Variants in AKNA observed in about 807,000 individuals in gnomAD.
The protein encoded by AKNA is AT-hook transcription factor.
In AKNA, 67 loss-of-function variants were observed where a neutral mutation model predicts 138.8. That is an observed-to-expected ratio of 0.48 (90% CI 0.40 to 0.59). The LOEUF (loss-of-function observed/expected upper bound fraction) is 0.59, where lower values mean the gene tolerates loss of function less well. AKNA is among the 20% of genes least tolerant of loss of function. The pLI is 0.00. For synonymous variants in AKNA, 737 were observed against 754.4 expected (o/e 0.98, Z 0.38); for missense variants, 1,813 against 1,880.4 (o/e 0.96, Z 0.66).
intron 18 of AKNA, chr9:114,344,457 CCT>C (rs1230661629): frequency 6.5e-6 from 1 of 152,868 alleles, no homozygotes; most frequent in Non-Finnish European, 1.5e-5. Flanking sequence ...CTTACCCACC[CCT>C]GAGTTTCAAA....
At chr9:114,385,544 G>A (rs766907364) in intron 1 of AKNA, among the ~76,000 whole-genome samples, 22 of 152,218 alleles carry the variant, frequency 1.4e-4, no homozygotes, top group Non-Finnish European at 2.5e-4. Context: ...CTCTGCCACA[G>A]AGCAGCCTGC....
intron 21 of AKNA, among the ~76,000 whole-genome samples, chr9:114,341,022 C>T (rs79679591): frequency 0.01 from 1,580 of 152,306 alleles, 27 homozygotes; most frequent in African/African-American, 0.035. Context: ...GCTTCACTAA[C>T]GTGGCCAATG....
chr9:114,392,954 AAC>A (rs916066078), upstream of AKNA, among the ~76,000 whole-genome samples: 1 of 152,304 alleles, frequency 6.6e-6, no homozygotes, highest in Non-Finnish European at 1.5e-5. Flanking sequence ...TATTGAGGAA[AAC>A]ACATACATAA....
chr9:114,358,068 G>A lies in AKNA; in HGVS notation c.2592C>T (p.Ala864=). 1.9e-6 allele frequency: 3 copies of A among 1,613,662 alleles called. No homozygotes were observed. Among genetic ancestry groups the A allele is most frequent in the Non-Finnish European group, 2.5e-6 (3 of 1,179,670 alleles). Residue 864 remains alanine (A), a synonymous_variant, in exon 12 of 22, where the codon GCC becomes GCT. Transcript: ENST00000374088. The part of the protein sequence containing the change: ...HMSGLGKAEA[A]PPGPGVPPHP... ...GGGGTGGCACGCCAGGGCCTGGAGG[G>A]GCTGCCTCAGCCTTGCCCAGGCCTG...
intron 1 of AKNA, among the ~76,000 whole-genome samples, chr9:114,383,672 G>C (rs905252109): frequency 5.9e-5 from 9 of 152,188 alleles, no homozygotes; most frequent in Non-Finnish European, 1.2e-4. Flanking sequence ...CAGGACAGAA[G>C]GTCTGTGTTT....
At position 114,337,324 on chromosome 9, in the gene AKNA, T is replaced by A; in HGVS notation, c.4068-18A>T. ...CATAGTACCTGAGGAGAGAAGTGAGTGGGCTCGTTACACATGGGGAGGGCT... is the reference window on the plus strand; with the variant it reads ...CATAGTACCTGAGGAGAGAAGTGAGAGGGCTCGTTACACATGGGGAGGGCT... On this transcript the variant is annotated intron_variant, in intron 21 of 21. Coordinates refer to ENST00000374088, the MANE Select transcript of AKNA (RefSeq NM_001317950.2). 1 of 1,424,966 alleles carries A rather than the reference T, an allele frequency of 7.0e-7. No homozygotes were observed. Among genetic ancestry groups the A allele is most frequent in the African/African-American group, 1.4e-5 (1 of 69,424 alleles). The allele number at this position is 1,424,966 out of a possible 1,614,324, so 88.3% of individuals were successfully genotyped here. A position where few individuals can be genotyped will look rare whatever the true frequency, so the allele number is the denominator to read the frequency against.
At chr9:114,355,583 C>A (rs980977228) in intron 14 of AKNA, among the ~76,000 whole-genome samples, 1 of 152,180 alleles carries the variant, frequency 6.6e-6, no homozygotes, top group Non-Finnish European at 1.5e-5. Flanking sequence ...ACATCGCAAC[C>A]AAAGGAATTT....
intron 14 of AKNA, among the ~76,000 whole-genome samples, chr9:114,354,495 C>T (rs1451028220): frequency 5.3e-5 from 8 of 152,106 alleles, no homozygotes; most frequent in African/African-American, 9.7e-5. Context: ...GGGCGGATCA[C>T]GAGGTCAGGA....
At chr9:114,353,570 CTGTTT>C (rs1469633637) in intron 14 of AKNA, among the ~76,000 whole-genome samples, 19 of 152,078 alleles carry the variant, frequency 1.2e-4, no homozygotes, top group Non-Finnish European at 5.9e-5. Context: ...AGCCTCATTT[CTGTTT>C]TAAGTATAGT....
chr9:114,341,973 G>A, intron 20 of AKNA, 36 bp downstream of exon 20: 1 of 1,571,488 alleles, frequency 6.4e-7, no homozygotes, highest in Non-Finnish European at 8.8e-7. Context: ...GAGAGCTGAG[G>A]GTCTGGCTAA....
intron 8 of AKNA, 51 bp from the exon 9 acceptor site, chr9:114,361,962 G>C: frequency 6.3e-7 from 1 of 1,577,360 alleles, no homozygotes; most frequent in Non-Finnish European, 8.6e-7. Flanking sequence ...AGCTACATCA[G>C]GCAGGTCCAG....
At chr9:114,359,513 G>C in intron 11 of AKNA, 81 bp downstream of exon 11, 1 of 1,609,354 alleles carries the variant, frequency 6.2e-7, no homozygotes, top group South Asian at 1.1e-5. Context: ...GTGAAGCGCT[G>C]TCTTATTCAC....
intron 2 of AKNA, among the ~76,000 whole-genome samples, chr9:114,379,505 G>A (rs1465583454): frequency 2.0e-5 from 3 of 152,194 alleles, no homozygotes; most frequent in African/African-American, 7.2e-5. Context: ...GCTCCTCAGT[G>A]GGCAGTGCCC....
Position 114,355,904 on chromosome 9 carries a change from AAGT to A in AKNA, c.3058+18_3058+20del, listed in dbSNP as rs754493212. ...TTTTTCAACCCATGCAGTTCTGTCC[AAGT>A]CAGACTCCTGCACTCACCCATCTCG... On this transcript the variant is annotated intron_variant, in intron 14 of 21. Transcript: ENST00000374088. The A allele has an allele frequency of 6.2e-7, 1 of 1,612,826 alleles. No homozygotes were observed. Among genetic ancestry groups the A allele is most frequent in the Admixed American group, 1.7e-5 (1 of 59,858 alleles).
chr9:114,354,037 G>A (rs768896427), intron 14 of AKNA, among the ~76,000 whole-genome samples: 1 of 151,980 alleles, frequency 6.6e-6, no homozygotes, highest in Non-Finnish European at 1.5e-5. Context: ...AATTAATCAA[G>A]TTTAACTTAC....
chr9:114,376,063 C>T (rs1293557438), intron 3 of AKNA: 2 of 447,220 alleles, frequency 4.5e-6, no homozygotes, highest in South Asian at 1.6e-5. Context: ...AGCCTCCACC[C>T]CAGGCCTCCC....
intron 19 of AKNA, 38 bp downstream of exon 19, chr9:114,343,669 AC>A: frequency 6.3e-7 from 1 of 1,598,088 alleles, no homozygotes; most frequent in Non-Finnish European, 8.6e-7. Flanking sequence ...AGCTGCAGCC[AC>A]AGCTGCCTGG....
chr9:114,383,927 C>T (rs1038295027), intron 1 of AKNA, among the ~76,000 whole-genome samples: 2 of 152,160 alleles, frequency 1.3e-5, no homozygotes, highest in African/African-American at 4.8e-5. Flanking sequence ...TTCCTCTCTA[C>T]CCCCAAATGC....
At chr9:114,393,766 T>C (rs1168334758) in intron 1 of AKNA, among the ~76,000 whole-genome samples, 1 of 110,796 alleles carries the variant, frequency 9.0e-6, no homozygotes, top group African/African-American at 2.8e-5. Context: ...TTGAGTCCAC[T>C]TAAAAAAAAA....
Sources: allele counts gnomAD v4.1 joint callset (sites outside exome capture counted in the v4.1 genomes callset), GRCh38; gene constraint gnomAD v4.1.1; transcripts MANE v1.5; gene names NCBI Gene and HGNC (gene_info 2026-07-23, HGNC 2026-07-21).